DPYD: variants seen among roughly 807,000 people sequenced by gnomAD.
The protein encoded by DPYD is dihydropyrimidine dehydrogenase, also known as dihydropyrimidine dehydrogenase [NADP(+)].
Under a neutral mutation model 116.2 loss-of-function variants are expected in DPYD, and 109 were observed. The observed-to-expected ratio is 0.94, with a 90% confidence interval of 0.80 to 1.10. DPYD has a LOEUF of 1.10. Among genes scored for constraint, DPYD ranks in the 50% least tolerant of loss-of-function variants. The pLI, the probability that DPYD is intolerant of heterozygous loss-of-function variation, is 0.00. For missense variants in DPYD, 1,302 were observed against 1,254.5 expected (o/e 1.04, Z -0.57); for synonymous variants, 440 against 432.0 (o/e 1.02, Z -0.23).
At chr1:97,669,689 G>A (rs1305753371) in intron 8 of DPYD, among the ~76,000 whole-genome samples, 5 of 152,084 alleles carry the variant, frequency 3.3e-5, no homozygotes, top group Middle Eastern at 3.2e-3. Context: ...TCCTGCTAAC[G>A]AAAGATGGCA....
chr1:97,536,248 T>C (rs1025233582), intron 12 of DPYD, among the ~76,000 whole-genome samples: 6 of 152,158 alleles, frequency 3.9e-5, no homozygotes, highest in African/African-American at 1.4e-4. Context: ...TCAATATTAT[T>C]TTTTGGAGGC....
intron 8 of DPYD, among the ~76,000 whole-genome samples, chr1:97,649,832 G>A (rs868507343): frequency 5.3e-5 from 8 of 152,038 alleles, no homozygotes; most frequent in African/African-American, 1.9e-4. Context: ...GGACACAGGC[G>A]AAACACTGAG....
chr1:97,874,899 CTAAT>C lies in DPYD; in HGVS notation c.150+8361_150+8364del, dbSNP rs1172669989. On this transcript the variant is annotated intron_variant, in intron 2 of 22. Coordinates refer to ENST00000370192, the MANE Select transcript of DPYD (RefSeq NM_000110.4). Reference sequence around the variant, plus strand: ...ATATACTAACAACAACAAAAAACTGCTAATTAAACTGATACAAACTTTCTTATCA... The same window carrying C: ...ATATACTAACAACAACAAAAAACTGCTAAACTGATACAAACTTTCTTATCA... Among the ~76,000 whole-genome samples the C allele has an allele frequency of 3.3e-5, 5 of 151,806 alleles. 1 individual carries two copies. The highest frequency in any genetic ancestry group is 7.4e-5 in the Non-Finnish European group (5 of 67,866).
intron 2 of DPYD, among the ~76,000 whole-genome samples, chr1:97,872,842 T>C (rs1048245195): frequency 7.9e-5 from 12 of 151,968 alleles, no homozygotes; most frequent in Admixed American, 7.9e-4. Flanking sequence ...CTTTTCTTCA[T>C]GCTCCAGTCT....
At chr1:97,122,711 T>C (rs1005127719) in intron 20 of DPYD, among the ~76,000 whole-genome samples, 5 of 152,152 alleles carry the variant, frequency 3.3e-5, no homozygotes, top group African/African-American at 1.2e-4. Flanking sequence ...TAAGCAAGTC[T>C]ACTGTTCTTT....
At chr1:97,121,836 T>A (rs376400885) in intron 20 of DPYD, among the ~76,000 whole-genome samples, 1 of 152,182 alleles carries the variant, frequency 6.6e-6, no homozygotes, top group South Asian at 2.1e-4. Flanking sequence ...TAGTCCAGCA[T>A]GCTGTAAGCA....
intron 5 of DPYD, chr1:97,720,416 T>A: frequency 2.0e-6 from 2 of 985,848 alleles, no homozygotes; most frequent in South Asian, 4.7e-5. Flanking sequence ...GTAGTAAAGA[T>A]CATACTTCGT....
chr1:97,737,376 A>C (rs1324919103), intron 4 of DPYD, among the ~76,000 whole-genome samples: 1 of 152,132 alleles, frequency 6.6e-6, no homozygotes, highest in Non-Finnish European at 1.5e-5. Context: ...ACATTTTAAA[A>C]AATTACTGGG....
In DPYD at chr1:97,357,846, G is replaced by A. The variant is rs192014334; in HGVS notation, c.2058+15715C>T. On this transcript the variant is annotated intron_variant, in intron 16 of 22. Transcript: ENST00000370192. ...TCTAGGATTCCATTCTGAGATGGCC[G>A]AATAGGAACAGCTCCGATCTGCAGC... Among the ~76,000 whole-genome samples, 549 of 152,286 alleles carry A rather than the reference G, an allele frequency of 3.6e-3. 1 individual carries two copies. Among genetic ancestry groups the A allele is most frequent in the Non-Finnish European group, 5.5e-3 (372 of 68,026 alleles).
intron 20 of DPYD, among the ~76,000 whole-genome samples, chr1:97,102,679 A>T (rs1178712180): frequency 6.6e-6 from 1 of 151,812 alleles, no homozygotes; most frequent in African/African-American, 2.4e-5. Flanking sequence ...AGTATTGAAT[A>T]TCCACTCTGG....
At chr1:97,164,311 G>A (rs2101751835) in intron 20 of DPYD, among the ~76,000 whole-genome samples, 1 of 152,146 alleles carries the variant, frequency 6.6e-6, no homozygotes, top group Admixed American at 6.5e-5. Context: ...CAAACCCACA[G>A]CCAATATCAT....
chr1:97,167,911 G>C (rs1656442658), intron 20 of DPYD, among the ~76,000 whole-genome samples: 1 of 151,878 alleles, frequency 6.6e-6, no homozygotes, highest in Admixed American at 6.6e-5. Context: ...ACCAATCTTG[G>C]GAAAACTTCT....
chr1:97,870,955 A>G (rs2101616222), intron 2 of DPYD, among the ~76,000 whole-genome samples: 1 of 152,022 alleles, frequency 6.6e-6, no homozygotes, highest in Middle Eastern at 3.4e-3. Flanking sequence ...CATTCGGGAA[A>G]ACAGCAAAAC....
intron 4 of DPYD, among the ~76,000 whole-genome samples, chr1:97,731,826 G>A (rs1181000964): frequency 6.6e-6 from 1 of 151,712 alleles, no homozygotes; most frequent in Admixed American, 6.6e-5. Flanking sequence ...TCTTAATATT[G>A]TAAAAGAAAA....
At chr1:97,481,127 A>T (rs1678270292) in intron 13 of DPYD, among the ~76,000 whole-genome samples, 1 of 152,238 alleles carries the variant, frequency 6.6e-6, no homozygotes, top group South Asian at 2.1e-4. Flanking sequence ...TAGTCAAAGG[A>T]TGTGCACAGT....
intron 10 of DPYD, among the ~76,000 whole-genome samples, chr1:97,591,079 T>C (rs955080484): frequency 1.3e-5 from 2 of 149,664 alleles, no homozygotes; most frequent in Non-Finnish European, 3.0e-5. Context: ...ACTTCCACAA[T>C]AAAGGGTGAA....
At chr1:97,685,276 T>C (rs546598943) in intron 7 of DPYD, among the ~76,000 whole-genome samples, 1 of 152,332 alleles carries the variant, frequency 6.6e-6, no homozygotes, top group Non-Finnish European at 1.5e-5. Flanking sequence ...GAAAAGTCCT[T>C]TGATAAAATT....
intron 2 of DPYD, among the ~76,000 whole-genome samples, chr1:97,854,627 C>T (rs1052922821): frequency 6.6e-6 from 1 of 152,168 alleles, no homozygotes; most frequent in African/African-American, 2.4e-5. Flanking sequence ...TAGCACATTG[C>T]TGATACGTGA....
intron 8 of DPYD, among the ~76,000 whole-genome samples, chr1:97,673,263 T>G (rs1021425732): frequency 2.0e-5 from 3 of 152,130 alleles, no homozygotes; most frequent in Admixed American, 2.0e-4. Flanking sequence ...ATAGATCATG[T>G]TAAGAATTGA....
Sources: gnomAD v4.1 joint callset for allele counts (sites outside exome capture counted in the v4.1 genomes callset) on GRCh38, gnomAD v4.1.1 for gene constraint, MANE v1.5 for transcripts, NCBI Gene and HGNC (gene_info 2026-07-23, HGNC 2026-07-21) for gene names.